COLEC12: variants seen among roughly 807,000 people sequenced by gnomAD.
The protein encoded by COLEC12 is collectin-12.
A neutral mutation model predicts 71.1 loss-of-function variants in COLEC12; 33 were observed. The ratio of observed to expected loss-of-function variants is 0.46; its 90% CI spans 0.35 to 0.62. The LOEUF is 0.62. Ranked by LOEUF, COLEC12 falls within the 20% of genes least tolerant of loss-of-function variation. The pLI is 0.00. For missense variants in COLEC12, 765 were observed against 916.1 expected (o/e 0.84, Z 2.13); for synonymous variants, 350 against 353.0 (o/e 0.99, Z 0.10).
intron 2 of COLEC12, among the ~76,000 whole-genome samples, chr18:411,780 C>T (rs1915897462): frequency 6.6e-6 from 1 of 152,094 alleles, no homozygotes; most frequent in African/African-American, 2.4e-5. Flanking sequence ...GTGGCATGCA[C>T]CTGTAGTTCC....
intron 2 of COLEC12, among the ~76,000 whole-genome samples, chr18:395,509 A>G (rs1915551865): frequency 6.6e-6 from 1 of 152,236 alleles, no homozygotes; most frequent in Non-Finnish European, 1.5e-5. Context: ...CGATAGAAAC[A>G]GGGATAATAA....
chr18:397,878 G>A (rs1053330607), intron 2 of COLEC12, among the ~76,000 whole-genome samples: 1 of 152,164 alleles, frequency 6.6e-6, no homozygotes, highest in Non-Finnish European at 1.5e-5. Context: ...AGGAAAAAAT[G>A]TAAAGGATTT....
intron 5 of COLEC12, among the ~76,000 whole-genome samples, chr18:342,487 A>G (rs1914278741): frequency 1.3e-5 from 2 of 152,204 alleles, no homozygotes; most frequent in Admixed American, 1.3e-4. Context: ...ATTTTCCGGA[A>G]AGCATCAGAT....
chr18:414,641 C>T (rs554236904), intron 2 of COLEC12, among the ~76,000 whole-genome samples: 1 of 152,082 alleles, frequency 6.6e-6, no homozygotes, highest in Non-Finnish European at 1.5e-5. Context: ...CAAAACCGAA[C>T]TCTTATGCAA....
rs1915720141 is a variant in COLEC12, at chr18:403,115, T to C, written c.59-45593A>G. On this transcript the variant is annotated intron_variant, in intron 2 of 9. Transcript: ENST00000400256. The stretch of plus-strand genomic sequence containing the variant: ...GCAAACCGGCTCAAGTGGGACAGGA[T>C]CATGATACAAAGGACTTAGCCTCTG... Among the ~76,000 whole-genome samples, 3 of 152,290 alleles carry C rather than the reference T, an allele frequency of 2.0e-5. No homozygotes were observed. In the East Asian group the frequency reaches 5.8e-4, roughly 29 times the overall value.
In COLEC12 at chr18:392,073, G is replaced by T. The variant is rs148006363; in HGVS notation, c.59-34551C>A. On this transcript the variant is annotated intron_variant, in intron 2 of 9. Transcript: ENST00000400256. The stretch of plus-strand genomic sequence containing the variant: ...CCAGTGTATACCTGGGGCCATTCAT[G>T]GGATCCAGGAACCAGACTGTGCCTG... 2.8e-3 allele frequency among the ~76,000 whole-genome samples: 422 copies of T among 152,252 alleles called. 1 individual carries two copies. Among genetic ancestry groups the T allele is most frequent in the African/African-American group, 9.5e-3 (393 of 41,550 alleles).
intron 5 of COLEC12, among the ~76,000 whole-genome samples, chr18:337,009 C>A (rs1473906405): frequency 3.3e-5 from 5 of 151,252 alleles, no homozygotes; most frequent in African/African-American, 1.2e-4. Flanking sequence ...GAGGCTTGTG[C>A]CACATTGCCT....
chr18:496,306 A>G (rs1917711558), intron 1 of COLEC12, among the ~76,000 whole-genome samples: 1 of 152,218 alleles, frequency 6.6e-6, no homozygotes, highest in South Asian at 2.1e-4. Flanking sequence ...CAACCGTGGG[A>G]AATTGCATAG....
chr18:356,475 A>C (rs1175908107), intron 3 of COLEC12, among the ~76,000 whole-genome samples: 1 of 152,176 alleles, frequency 6.6e-6, no homozygotes, highest in African/African-American at 2.4e-5. Context: ...CTTTCTCAGG[A>C]AACTGCTACA....
At chr18:371,916 A>G (rs1239480889) in intron 2 of COLEC12, among the ~76,000 whole-genome samples, 3 of 152,180 alleles carry the variant, frequency 2.0e-5, no homozygotes, top group Non-Finnish European at 4.4e-5. Context: ...CAGCAGTAAC[A>G]TTACTTGGAT....
intron 2 of COLEC12, among the ~76,000 whole-genome samples, chr18:360,600 G>A (rs1914723799): frequency 6.6e-6 from 1 of 152,208 alleles, no homozygotes; most frequent in East Asian, 1.9e-4. Flanking sequence ...ACTTTAAAGT[G>A]CTTACACATC....
chr18:468,048 G>C (rs553617638), intron 2 of COLEC12, among the ~76,000 whole-genome samples: 2 of 152,220 alleles, frequency 1.3e-5, no homozygotes, highest in African/African-American at 4.8e-5. Context: ...TGGATCACGA[G>C]GTCAGGAGTT....
intron 2 of COLEC12, among the ~76,000 whole-genome samples, chr18:447,479 G>T (rs1916675587): frequency 6.6e-6 from 1 of 152,202 alleles, no homozygotes; most frequent in South Asian, 2.1e-4. Context: ...GCTGAGCAGA[G>T]GCCACCCAGT....
At chr18:386,015 A>AAGTC (rs1396573140) in intron 2 of COLEC12, among the ~76,000 whole-genome samples, 1 of 152,200 alleles carries the variant, frequency 6.6e-6, no homozygotes, top group Non-Finnish European at 1.5e-5. Flanking sequence ...ATTTCAGATT[A>AAGTC]AGTCAGTCAG....
intron 2 of COLEC12, among the ~76,000 whole-genome samples, chr18:368,488 C>T (rs368891108): frequency 4.6e-5 from 7 of 151,672 alleles, no homozygotes; most frequent in Admixed American, 6.6e-5. Flanking sequence ...GCAGAAGAAT[C>T]GCTCGATCCT....
At chr18:357,948 C>T (rs1335505501) in intron 2 of COLEC12, among the ~76,000 whole-genome samples, 1 of 152,124 alleles carries the variant, frequency 6.6e-6, no homozygotes, top group Non-Finnish European at 1.5e-5. Context: ...GCCAGCATGA[C>T]CACCTGAGCT....
At chr18:358,453 G>C (rs1442627453) in intron 2 of COLEC12, among the ~76,000 whole-genome samples, 4 of 152,192 alleles carry the variant, frequency 2.6e-5, no homozygotes, top group Non-Finnish European at 5.9e-5. Context: ...GGTGCGATGG[G>C]AGACAGTGAC....
intron 2 of COLEC12, among the ~76,000 whole-genome samples, chr18:468,741 T>C (rs1312492834): frequency 6.6e-6 from 1 of 152,222 alleles, no homozygotes; most frequent in Non-Finnish European, 1.5e-5. Context: ...CCCTGAAACA[T>C]AGGTAGTCTT....
chr18:372,420 T>C (rs1915020437), intron 2 of COLEC12, among the ~76,000 whole-genome samples: 11 of 151,974 alleles, frequency 7.2e-5, no homozygotes. Flanking sequence ...GAGTGTTTTT[T>C]GTTTGTTTGT....
Sources: gnomAD v4.1 joint callset for allele counts (sites outside exome capture counted in the v4.1 genomes callset) on GRCh38, gnomAD v4.1.1 for gene constraint, MANE v1.5 for transcripts, NCBI Gene and HGNC (gene_info 2026-07-23, HGNC 2026-07-21) for gene names.